ETF1: variants seen among roughly 807,000 people sequenced by gnomAD.
ETF1 encodes the protein eukaryotic peptide chain release factor subunit 1.
Under a neutral mutation model 55.1 loss-of-function variants are expected in ETF1, and 4 were observed. That is an observed-to-expected ratio of 0.07 (90% CI 0.04 to 0.17). ETF1 has a LOEUF of 0.17. Ranked by LOEUF, ETF1 falls within the 10% of genes least tolerant of loss-of-function variation. The pLI is 1.00. For missense variants in ETF1, 142 were observed against 523.6 expected, an observed-to-expected ratio of 0.27 and a Z score of 7.11; for synonymous variants, 157 against 182.3, an observed-to-expected ratio of 0.86 and a Z score of 1.12.
chr5:138,510,585 A>C lies in ETF1; in HGVS notation c.1063T>G (p.Ser355Ala). ...CATACCTCTTTGTCTGTGAAATGAG[A>C]TTTATCCTTTTCTTGCTCTGGAGTT... is the stretch of plus-strand genomic sequence containing the variant. The part of the protein sequence containing the change: ...YLTPEQEKDK[S>A]HFTDKETGQE... Residue 355 changes from serine (S) to alanine (A), a missense_variant, in exon 9 of 11, where the codon TCT becomes GCT. By Grantham distance (99) the Ser-to-Ala change is moderately conservative. Transcript: ENST00000360541. 1 of 1,611,204 alleles carries C rather than the reference A, an allele frequency of 6.2e-7. No individual in the cohort carries two copies. Among genetic ancestry groups the C allele is most frequent in the Non-Finnish European group, 8.5e-7 (1 of 1,177,508 alleles).
At chr5:138,521,227 A>C (rs950988722) in intron 2 of ETF1, among the ~76,000 whole-genome samples, 1 of 152,220 alleles carries the variant, frequency 6.6e-6, no homozygotes, top group Non-Finnish European at 1.5e-5. Flanking sequence ...CCAGACAGAA[A>C]AGGACAAATA....
At chr5:138,536,977 A>G (rs1199019775) in intron 2 of ETF1, among the ~76,000 whole-genome samples, 1 of 152,188 alleles carries the variant, frequency 6.6e-6, no homozygotes, top group Non-Finnish European at 1.5e-5. Context: ...GTCCAGAGTA[A>G]GCCTTCCTTC....
chr5:138,522,160 C>G (rs1765260309), intron 2 of ETF1, among the ~76,000 whole-genome samples: 1 of 151,468 alleles, frequency 6.6e-6, no homozygotes, highest in South Asian at 2.1e-4. Flanking sequence ...TCAAAAAAAC[C>G]CAAAAACCGA....
chr5:138,529,928 A>C (rs1765626458), intron 2 of ETF1, among the ~76,000 whole-genome samples: 1 of 151,982 alleles, frequency 6.6e-6, no homozygotes, highest in South Asian at 2.1e-4. Flanking sequence ...TTTATTTTCG[A>C]GATAGGATCT....
rs144258421 is a variant in ETF1 at position 138,509,144 on chromosome 5, A to C, written c.1084-328T>G. Reference sequence around the variant, plus strand: ...TAGTGTCTCTAAGCAGCACCCATTCAATGGCTCAGAAGAGACATTCCAGGA... The same window carrying C: ...TAGTGTCTCTAAGCAGCACCCATTCCATGGCTCAGAAGAGACATTCCAGGA... On this transcript the variant is annotated intron_variant, in intron 9 of 10. Transcript: ENST00000360541. The C allele has an allele frequency of 9.4e-4, 926 of 985,340 alleles. 1 individual carries two copies. Among genetic ancestry groups the C allele is most frequent in the Admixed American group, 4.9e-3 (80 of 16,280 alleles). The allele number at this position is 985,340 out of a possible 1,614,324, so 61.0% of individuals were successfully genotyped here. A position where few individuals can be genotyped will look rare whatever the true frequency, so the allele number is the denominator to read the frequency against.
intron 4 of ETF1, among the ~76,000 whole-genome samples, chr5:138,517,245 C>T (rs754418618): frequency 6.6e-6 from 1 of 151,956 alleles, no homozygotes; most frequent in Admixed American, 6.6e-5. Context: ...GTGGCATGTG[C>T]CTGCAATCCC....
At chr5:138,514,672 C>T (rs1306913652) in intron 4 of ETF1, among the ~76,000 whole-genome samples, 2 of 151,890 alleles carry the variant, frequency 1.3e-5, no homozygotes, top group Non-Finnish European at 2.9e-5. Context: ...TCAAATGATC[C>T]TTCTGCCTTA....
intron 2 of ETF1, among the ~76,000 whole-genome samples, chr5:138,527,346 G>GT (rs1363802418): frequency 6.6e-6 from 1 of 152,180 alleles, no homozygotes; most frequent in Non-Finnish European, 1.5e-5. Flanking sequence ...GGACAGTATG[G>GT]TGTGTGCTCT....
At chr5:138,540,430 C>T (rs1163558738) in intron 2 of ETF1, among the ~76,000 whole-genome samples, 1 of 152,180 alleles carries the variant, frequency 6.6e-6, no homozygotes, top group East Asian at 1.9e-4. Flanking sequence ...GATATTTTAT[C>T]ACTAGGTAAA....
intron 4 of ETF1, among the ~76,000 whole-genome samples, chr5:138,516,571 A>G (rs1765028309): frequency 2.0e-5 from 3 of 152,308 alleles, no homozygotes; most frequent in African/African-American, 7.2e-5. Context: ...AACCATGGAG[A>G]TGGAGGTTGC....
rs75308082 is a variant in ETF1, at chr5:138,537,103, G to A, written c.86+5730C>T. Among the ~76,000 whole-genome samples, 185 of 152,244 alleles carry A rather than the reference G, an allele frequency of 1.2e-3. 2 individuals carry two copies. Among genetic ancestry groups the A allele is most frequent in the East Asian group, 9.1e-3 (47 of 5,184 alleles). ...CATAGAACACCATGCCAGATACAACGGCTGTTAGGACTAGTTCTGAGTTGA... is the reference window on the plus strand; with the variant it reads ...CATAGAACACCATGCCAGATACAACAGCTGTTAGGACTAGTTCTGAGTTGA... On this transcript the variant is annotated intron_variant, in intron 2 of 10. Coordinates refer to ENST00000360541, the MANE Select transcript of ETF1 (RefSeq NM_004730.4).
At chr5:138,512,259 T>TATATA (rs57032066) in intron 6 of ETF1, among the ~76,000 whole-genome samples, 82 of 15,756 alleles carry the variant, frequency 5.2e-3, no homozygotes, top group East Asian at 0.012. Flanking sequence ...TATATATATA[T>TATATA]TTTTTTTTTT....
intron 5 of ETF1, 166 bp from the exon 6 acceptor site, chr5:138,513,120 G>A: frequency 2.0e-6 from 2 of 985,324 alleles, no homozygotes; most frequent in African/African-American, 1.7e-5. Context: ...TTCAGAGAGC[G>A]ACTACTAAGT....
intron 4 of ETF1, among the ~76,000 whole-genome samples, chr5:138,517,248 G>A (rs1235349210): frequency 6.6e-6 from 1 of 152,016 alleles, no homozygotes; most frequent in South Asian, 2.1e-4. Context: ...GCATGTGCCT[G>A]CAATCCCAGC....
rs1381998693 is a variant in ETF1 at position 138,508,907 on chromosome 5, T to A, written c.1084-91A>T. The A allele has an allele frequency of 3.3e-6, 5 of 1,519,078 alleles. No individual in the cohort carries two copies. The East Asian group carries it at 9.1e-5, about 28-fold the overall frequency. The allele number at this position is 1,519,078 out of a possible 1,614,324, so 94.1% of individuals were successfully genotyped here. A position where few individuals can be genotyped will look rare whatever the true frequency, so the allele number is the denominator to read the frequency against. On this transcript the variant is annotated intron_variant, in intron 9 of 10. Transcript: ENST00000360541. ...TCACAGCCCCTTGCCCACCTATCACTCTCATCCTCCCATTTATAGGCATGT... is the reference window on the plus strand; with the variant it reads ...TCACAGCCCCTTGCCCACCTATCACACTCATCCTCCCATTTATAGGCATGT...
intron 2 of ETF1, among the ~76,000 whole-genome samples, chr5:138,538,886 C>T (rs1297813793): frequency 6.6e-6 from 1 of 152,154 alleles, no homozygotes; most frequent in Non-Finnish European, 1.5e-5. Flanking sequence ...CTCGCCAAAA[C>T]ACTGTTAAAT....
intron 2 of ETF1, among the ~76,000 whole-genome samples, chr5:138,519,656 T>C (rs1765156754): frequency 6.7e-6 from 1 of 149,522 alleles, no homozygotes; most frequent in Non-Finnish European, 1.5e-5. Flanking sequence ...GAGCTAGACT[T>C]AGTCTCGAGA....
intron 8 of ETF1, 150 bp downstream of exon 8, chr5:138,510,895 A>G (rs745480499): frequency 1.7e-5 from 24 of 1,443,898 alleles, no homozygotes; most frequent in Non-Finnish European, 2.2e-5. Flanking sequence ...AGAAAAATCT[A>G]TGCAGGAATG....
chr5:138,524,297 G>A (rs10057883), intron 2 of ETF1, among the ~76,000 whole-genome samples: 8,228 of 152,056 alleles, frequency 0.054, 698 homozygotes, highest in African/African-American at 0.19. Context: ...AGGTTGCAGT[G>A]AGCCCAAATC....
Sources: allele counts gnomAD v4.1 joint callset (sites outside exome capture counted in the v4.1 genomes callset), GRCh38; gene constraint gnomAD v4.1.1; transcripts MANE v1.5; gene names NCBI Gene and HGNC (gene_info 2026-07-23, HGNC 2026-07-21).